Variants in SMYD3 observed in about 807,000 individuals in gnomAD.
The protein encoded by SMYD3 is histone-lysine N-methyltransferase SMYD3.
A neutral mutation model predicts 57.7 loss-of-function variants in SMYD3; 36 were observed. That is an observed-to-expected ratio of 0.62 (90% confidence interval 0.48 to 0.82). SMYD3 has a LOEUF of 0.82. Ranked by LOEUF, SMYD3 falls within the 40% of genes least tolerant of loss-of-function variation. The pLI, the probability that SMYD3 is intolerant of heterozygous loss-of-function variation, is 0.00. For missense variants in SMYD3, 515 were observed against 538.8 expected (o/e 0.96, Z 0.44); for synonymous variants, 211 against 195.0 (o/e 1.08, Z -0.68).
chr1:246,499,104 T>C (rs1207936535), intron 1 of SMYD3, among the ~76,000 whole-genome samples: 1 of 151,932 alleles, frequency 6.6e-6, no homozygotes. Context: ...AGCCAGACTT[T>C]AGAGAGACAT....
chr1:246,401,308 G>T (rs1316202386), intron 1 of SMYD3, among the ~76,000 whole-genome samples: 1 of 151,928 alleles, frequency 6.6e-6, no homozygotes, highest in African/African-American at 2.4e-5. Context: ...ACCAGCCTGG[G>T]CAACACAGCA....
Position 246,237,052 on chromosome 1 carries a change from TAAACC to T in SMYD3, c.531+90144_531+90148del, listed in dbSNP as rs562465050. On this transcript the variant is annotated intron_variant, in intron 5 of 11. Coordinates refer to ENST00000490107, the MANE Select transcript of SMYD3 (RefSeq NM_001167740.2). ...TAATACATCAAGAAAAACCACTTAATAAACCAAAGAGACGACCACATTAACTCAAT... is the reference window on the plus strand; with the variant it reads ...TAATACATCAAGAAAAACCACTTAATAAAGAGACGACCACATTAACTCAAT... Among the ~76,000 whole-genome samples the T allele has an allele frequency of 2.6e-5, 4 of 152,244 alleles. No homozygotes were observed. In the South Asian group the frequency reaches 6.2e-4, roughly 24 times the overall value.
chr1:245,765,897 A>T (rs888639076), intron 10 of SMYD3, among the ~76,000 whole-genome samples: 2 of 152,142 alleles, frequency 1.3e-5, no homozygotes, highest in Admixed American at 6.5e-5. Context: ...ATTATATAAC[A>T]GTGATGAGGC....
chr1:245,844,458 G>A (rs2050558695), intron 10 of SMYD3, among the ~76,000 whole-genome samples: 1 of 152,194 alleles, frequency 6.6e-6, no homozygotes, highest in Non-Finnish European at 1.5e-5. Context: ...ATTCAAATAG[G>A]CTGACGAAGT....
chr1:246,050,040 CATT>C (rs2060040776), intron 5 of SMYD3, among the ~76,000 whole-genome samples: 1 of 152,188 alleles, frequency 6.6e-6, no homozygotes, highest in Admixed American at 6.5e-5. Flanking sequence ...CTAGTGAACG[CATT>C]AATATAACCA....
intron 1 of SMYD3, among the ~76,000 whole-genome samples, chr1:246,421,311 A>G (rs2067139537): frequency 6.6e-6 from 1 of 152,232 alleles, no homozygotes; most frequent in African/African-American, 2.4e-5. Flanking sequence ...CTTTTAAAAA[A>G]AAAATAAAGT....
intron 2 of SMYD3, among the ~76,000 whole-genome samples, chr1:246,348,437 T>C (rs1409326346): frequency 3.9e-5 from 6 of 151,920 alleles, no homozygotes; most frequent in Admixed American, 2.6e-4. Context: ...TATATATATA[T>C]ATGTCTTTTG....
chr1:246,015,293 C>T (rs985477340), intron 5 of SMYD3, among the ~76,000 whole-genome samples: 29 of 152,138 alleles, frequency 1.9e-4, no homozygotes, highest in Non-Finnish European at 3.7e-4. Flanking sequence ...CCCTTGGCCA[C>T]TCCACTAGCC....
chr1:246,237,908 T>G (rs2063537216), intron 5 of SMYD3, among the ~76,000 whole-genome samples: 1 of 152,220 alleles, frequency 6.6e-6, no homozygotes, highest in Non-Finnish European at 1.5e-5. Context: ...TAAATTACCC[T>G]TTAAATGTTT....
intron 5 of SMYD3, among the ~76,000 whole-genome samples, chr1:246,095,033 T>C (rs1213498717): frequency 2.6e-5 from 4 of 152,114 alleles, no homozygotes; most frequent in Admixed American, 6.6e-5. Context: ...GGCACCATCT[T>C]CTTCAAACAG....
chr1:246,082,908 T>C (rs1331292881), intron 5 of SMYD3, among the ~76,000 whole-genome samples: 1 of 150,576 alleles, frequency 6.6e-6, no homozygotes, highest in East Asian at 2.0e-4. Context: ...AAACAGATGC[T>C]TGAAGGCAGC....
intron 5 of SMYD3, chr1:246,178,670 T>C (rs188301574): frequency 1.3e-4 from 20 of 152,298 alleles, no homozygotes; most frequent in African/African-American, 4.8e-4. Context: ...TTTCTTAATT[T>C]GAAGGTCCCC....
chr1:246,094,035 C>T (rs955839720), intron 5 of SMYD3, among the ~76,000 whole-genome samples: 5 of 152,046 alleles, frequency 3.3e-5, no homozygotes, highest in Non-Finnish European at 7.4e-5. Flanking sequence ...TACCAAAAAC[C>T]CACTTGGCCA....
intron 5 of SMYD3, among the ~76,000 whole-genome samples, chr1:246,030,116 T>A (rs1239680423): frequency 6.6e-6 from 1 of 151,092 alleles, no homozygotes; most frequent in African/African-American, 2.4e-5. Flanking sequence ...AACCTAAATA[T>A]CCATCAGTGG....
chr1:246,252,852 A>G (rs531530590), intron 5 of SMYD3, among the ~76,000 whole-genome samples: 1 of 152,356 alleles, frequency 6.6e-6, no homozygotes, highest in Non-Finnish European at 1.5e-5. Flanking sequence ...ACTATGGTAA[A>G]TAAATACACA....
In SMYD3 at chr1:246,277,314, C is replaced by T. The variant is rs538642198; in HGVS notation, c.531+49887G>A. On this transcript the variant is annotated intron_variant, in intron 5 of 11. Coordinates refer to ENST00000490107, the MANE Select transcript of SMYD3 (RefSeq NM_001167740.2). ...GCCAACTAAAACCACAATATAACGTCCTTGCACACTGTTACAATGGCTAAA... is the reference window on the plus strand; with the variant it reads ...GCCAACTAAAACCACAATATAACGTTCTTGCACACTGTTACAATGGCTAAA... 9.7e-4 allele frequency among the ~76,000 whole-genome samples: 148 copies of T among 152,232 alleles called. 1 individual carries two copies. Among genetic ancestry groups the T allele is most frequent in the African/African-American group, 3.5e-3 (147 of 41,530 alleles).
intron 8 of SMYD3, among the ~76,000 whole-genome samples, chr1:245,888,881 G>T (rs1297857672): frequency 1.3e-5 from 2 of 152,186 alleles, no homozygotes; most frequent in African/African-American, 4.8e-5. Context: ...CAGGGAAAGA[G>T]AAAGTGGAAC....
rs555746072 is a variant in SMYD3, at chr1:246,156,879, G to A, written c.531+170322C>T. Among the ~76,000 whole-genome samples, 26 of 152,274 alleles carry A rather than the reference G, an allele frequency of 1.7e-4. No individual in the cohort carries two copies. In the South Asian group the frequency reaches 5.0e-3, roughly 29 times the overall value. On this transcript the variant is annotated intron_variant, in intron 5 of 11. Coordinates refer to ENST00000490107, the MANE Select transcript of SMYD3 (RefSeq NM_001167740.2). ...AAAGGTCGAACAAACCGTATTTAGT[G>A]ATTTGCTGAATCATGGAGGTGGGTG...
chr1:246,079,325 G>A (rs2060599206), intron 5 of SMYD3, among the ~76,000 whole-genome samples: 1 of 152,096 alleles, frequency 6.6e-6, no homozygotes, highest in African/African-American at 2.4e-5. Context: ...GTAAAATATT[G>A]TTTGTACTTC....
Sources: gnomAD v4.1 joint callset for allele counts (sites outside exome capture counted in the v4.1 genomes callset) on GRCh38, gnomAD v4.1.1 for gene constraint, MANE v1.5 for transcripts, NCBI Gene and HGNC (gene_info 2026-07-23, HGNC 2026-07-21) for gene names.